CUX1: variants seen among roughly 807,000 people sequenced by gnomAD.
The protein encoded by CUX1 is cut like homeobox 1, also known as protein CASP.
A neutral mutation model predicts 158.8 loss-of-function variants in CUX1; 31 were observed. That is an observed-to-expected ratio of 0.20 (90% CI 0.15 to 0.26). CUX1 has a LOEUF of 0.26. Among genes scored for constraint, CUX1 ranks in the 10% least tolerant of loss-of-function variants. The pLI, the probability that CUX1 is intolerant of heterozygous loss-of-function variation, is 1.00. For synonymous variants in CUX1, 879 were observed against 862.1 expected (o/e 1.02, Z -0.34); for missense variants, 1,589 against 2,014.6 (o/e 0.79, Z 4.04).
At chr7:102,149,776 AC>A (rs1198410797) in intron 8 of CUX1, among the ~76,000 whole-genome samples, 3 of 151,334 alleles carry the variant, frequency 2.0e-5, no homozygotes, top group African/African-American at 2.4e-5. Context: ...CAACTCTTTG[AC>A]CCCCCGAGTT....
intron 1 of CUX1, among the ~76,000 whole-genome samples, chr7:101,828,311 G>A (rs939062014): frequency 2.0e-5 from 3 of 152,092 alleles, no homozygotes; most frequent in African/African-American, 4.8e-5. Context: ...AAAAATCTGC[G>A]TGTAAGTGGC....
At chr7:101,975,294 C>T (rs897575042) in intron 2 of CUX1, among the ~76,000 whole-genome samples, 2 of 151,918 alleles carry the variant, frequency 1.3e-5, no homozygotes, top group Admixed American at 6.6e-5. Context: ...AGAAAAGGCT[C>T]ACGCCTGTAA....
chr7:102,099,108 G>A (rs146306831), intron 5 of CUX1, among the ~76,000 whole-genome samples: 90 of 152,202 alleles, frequency 5.9e-4, no homozygotes, highest in African/African-American at 2.0e-3. Context: ...TGAGGGCGGC[G>A]GTGCCTAAGA....
chr7:102,015,158 A>T (rs1818440915), intron 2 of CUX1, among the ~76,000 whole-genome samples: 1 of 152,200 alleles, frequency 6.6e-6, no homozygotes, highest in African/African-American at 2.4e-5. Context: ...CGATGAATAA[A>T]CGTGAAGTCA....
upstream of CUX1, chr7:101,817,282 G>A (rs1192434255): frequency 1.0e-6 from 1 of 984,848 alleles, no homozygotes; most frequent in Admixed American, 6.2e-5. The surrounding 1 kb of genome is among the most constrained non-coding windows in gnomAD (Gnocchi z 4.1). Flanking sequence ...GTGACCTGCG[G>A]CGCCGGGTCC....
chr7:102,156,016 G>A (rs1473670018), intron 8 of CUX1, among the ~76,000 whole-genome samples: 5 of 152,164 alleles, frequency 3.3e-5, no homozygotes, highest in African/African-American at 9.7e-5. Flanking sequence ...CTGAAAGCCG[G>A]ATATTATTTC....
rs1796192912 is a variant in CUX1 at position 101,850,739 on chromosome 7, G to T, written c.30+33070G>T. On this transcript the variant is annotated intron_variant, in intron 1 of 23. Transcript: ENST00000292535. ...CTTGTCTTTGATATTTCAGTGTTAG[G>T]TGTTGACTTACTGATGTGTTTTATG... Among the ~76,000 whole-genome samples, 3 of 152,238 alleles carry T rather than the reference G, an allele frequency of 2.0e-5. No individual in the cohort carries two copies. The South Asian group carries it at 6.2e-4, about 32-fold the overall frequency.
At position 102,253,636 on chromosome 7, in the gene CUX1, CA is replaced by C. The variant is rs1801758815; in HGVS notation, c.*4595del. 3 of 985,270 alleles carry C rather than the reference CA, an allele frequency of 3.0e-6. No homozygotes were observed. The highest frequency in any genetic ancestry group is 3.6e-6 in the Non-Finnish European group (3 of 829,916). 61.0% of individuals were successfully genotyped at this position (985,270 alleles called of 1,614,324 possible). On this transcript the variant is annotated 3_prime_UTR_variant, in exon 24 of 24. Coordinates refer to ENST00000292535, the MANE Select transcript of CUX1 (RefSeq NM_181552.4). The stretch of plus-strand genomic sequence containing the variant: ...AACAGACGCATGTCCTTCTGGGAGT[CA>C]CACAAAAGCAGAGAGATTTTGAACT...
rs558216316 is a variant in CUX1 at position 101,936,545 on chromosome 7, A to G, written c.141+20320A>G. Among the ~76,000 whole-genome samples, 3 of 152,220 alleles carry G rather than the reference A, an allele frequency of 2.0e-5. No homozygotes were observed. In the East Asian group the frequency reaches 5.8e-4, roughly 29 times the overall value. On this transcript the variant is annotated intron_variant, in intron 2 of 23. Coordinates refer to ENST00000292535, the MANE Select transcript of CUX1 (RefSeq NM_181552.4). The stretch of plus-strand genomic sequence containing the variant: ...GAGTTTTCCCGGATACATAGGAGAA[A>G]AGGTTATCCTTCAAGGGTGAGCGGG...
rs114447580 is a variant in CUX1, at chr7:102,091,201, C to A, written c.269-6163C>A. 6.8e-3 allele frequency among the ~76,000 whole-genome samples: 1,032 copies of A among 152,286 alleles called. 12 individuals are homozygous for A. Among genetic ancestry groups the A allele is most frequent in the African/African-American group, 0.023 (967 of 41,554 alleles). On this transcript the variant is annotated intron_variant, in intron 4 of 23. Coordinates refer to ENST00000292535, the MANE Select transcript of CUX1 (RefSeq NM_181552.4). ...CATTAAAGCACCACATTTATTGCAA[C>A]AACTTAGAGTATGTGTTTATTTTTT...
chr7:101,906,235 C>T (rs2131808188), intron 1 of CUX1, among the ~76,000 whole-genome samples: 1 of 151,970 alleles, frequency 6.6e-6, no homozygotes, highest in Non-Finnish European at 1.5e-5. Context: ...AGTTCACAGC[C>T]CATGGGGAGA....
intron 2 of CUX1, among the ~76,000 whole-genome samples, chr7:101,977,452 A>G (rs905434017): frequency 6.6e-6 from 1 of 152,158 alleles, no homozygotes; most frequent in African/African-American, 2.4e-5. Context: ...CCCAGCCTGG[A>G]CAGTGTAGCA....
intron 1 of CUX1, among the ~76,000 whole-genome samples, chr7:101,881,626 T>C (rs997776087): frequency 6.6e-6 from 1 of 152,226 alleles, no homozygotes; most frequent in Non-Finnish European, 1.5e-5. Flanking sequence ...TATTTGGGAA[T>C]TGATTTTCTG....
intron 23 of CUX1, among the ~76,000 whole-genome samples, chr7:102,243,964 T>G (rs1586413151): frequency 1.3e-5 from 2 of 151,516 alleles, no homozygotes; most frequent in African/African-American, 4.9e-5. Context: ...GAGGCGGAGG[T>G]TGCAGTGAGC....
intron 1 of CUX1, among the ~76,000 whole-genome samples, chr7:101,891,430 C>T (rs10255356): frequency 0.22 from 32,829 of 152,046 alleles, 5,287 homozygotes; most frequent in East Asian, 0.84. Flanking sequence ...GTAGTTGTTT[C>T]CCAGGCTGGT....
Position 102,227,475 on chromosome 7 carries a change from C to A in CUX1, c.3239C>A (p.Pro1080His), listed in dbSNP as rs782476264. 3.5e-5 allele frequency: 57 copies of A among 1,614,012 alleles called. No individual in the cohort carries two copies. Among genetic ancestry groups the A allele is most frequent in the Non-Finnish European group, 4.4e-5 (52 of 1,180,026 alleles). ...LTELVQQPCP[P>H]IEASKDSKPP... is the part of the protein sequence containing the mutation. ...GAGCTGGTCCAGCAGCCCTGTCCCC[C>A]CATCGAGGCGAGCAAGGACAGCAAG... The change falls in exon 21 of 24, where the codon CCC (proline) becomes CAC (histidine). Residue 1080 changes from proline (P) to histidine (H), a missense_variant. Coordinates refer to ENST00000292535, the MANE Select transcript of CUX1 (RefSeq NM_181552.4).
chr7:102,194,893 G>A (rs1273814872), intron 13 of CUX1, among the ~76,000 whole-genome samples: 4 of 150,988 alleles, frequency 2.6e-5, no homozygotes, highest in African/African-American at 4.9e-5. Context: ...GCGTGGTGGC[G>A]CACGTCTGTA....
At chr7:102,233,325 ATAGG>A (rs373212626) in intron 21 of CUX1, among the ~76,000 whole-genome samples, 440 of 151,862 alleles carry the variant, frequency 2.9e-3, no homozygotes, top group African/African-American at 0.01. Context: ...AGCTGGAACT[ATAGG>A]TACATGCCAC....
At chr7:102,279,527 T>A (rs1791892527) in intron 18 of CUX1, among the ~76,000 whole-genome samples, 1 of 151,898 alleles carries the variant, frequency 6.6e-6, no homozygotes, top group Admixed American at 6.6e-5. Context: ...TTTCTATGAG[T>A]GAGAGAAGAG....
Sources: gnomAD v4.1 joint callset for allele counts (sites outside exome capture counted in the v4.1 genomes callset) on GRCh38, gnomAD v4.1.1 for gene constraint, Gnocchi (gnomAD v3.1) non-coding constraint, MANE v1.5 for transcripts, NCBI Gene and HGNC (gene_info 2026-07-23, HGNC 2026-07-21) for gene names.